DLGAP4: variants seen among roughly 807,000 people sequenced by gnomAD.
DLGAP4 encodes disks large-associated protein 4.
In DLGAP4, 18 loss-of-function variants were observed where a neutral mutation model predicts 86.9. The observed-to-expected ratio is 0.21, with a 90% CI of 0.14 to 0.31. DLGAP4 has a LOEUF of 0.31. DLGAP4 is among the 10% of genes least tolerant of loss of function. The pLI, the probability that DLGAP4 is intolerant of heterozygous loss-of-function variation, is 1.00. For missense variants in DLGAP4, 1,085 were observed against 1,362.6 expected, an observed-to-expected ratio of 0.80 and a Z score of 3.21; for synonymous variants, 548 against 574.3, an observed-to-expected ratio of 0.95 and a Z score of 0.65.
intron 10 of DLGAP4, chr20:36,508,353 C>G (rs1328530797): frequency 6.7e-6 from 1 of 149,932 alleles, no homozygotes; most frequent in Admixed American, 6.6e-5. Flanking sequence ...AGATCTAGTT[C>G]ATTTCTGTTA....
At chr20:36,378,619 CA>C (rs1361219124) in intron 2 of DLGAP4, among the ~76,000 whole-genome samples, 1 of 152,026 alleles carries the variant, frequency 6.6e-6, no homozygotes, top group Non-Finnish European at 1.5e-5. Flanking sequence ...CACACAGACA[CA>C]CGCACATGCA....
intron 7 of DLGAP4, among the ~76,000 whole-genome samples, chr20:36,469,447 C>A (rs1263091152): frequency 6.6e-6 from 1 of 152,144 alleles, no homozygotes; most frequent in East Asian, 1.9e-4. Context: ...TCTCTGCAAA[C>A]CGAACTTCAA....
chr20:36,325,466 G>A (rs1385095021), intron 1 of DLGAP4, among the ~76,000 whole-genome samples: 6 of 152,094 alleles, frequency 3.9e-5, no homozygotes, highest in African/African-American at 4.8e-5. Flanking sequence ...GGTCAAGTTG[G>A]TTGATAATTT....
At chr20:36,467,823 C>T (rs965136169) in intron 7 of DLGAP4, among the ~76,000 whole-genome samples, 3 of 152,314 alleles carry the variant, frequency 2.0e-5, no homozygotes, top group East Asian at 1.9e-4. Context: ...CCTGGCTCTG[C>T]GCCAGGGGCT....
intron 1 of DLGAP4, among the ~76,000 whole-genome samples, chr20:36,357,137 C>G (rs1406508399): frequency 6.6e-6 from 1 of 152,154 alleles, no homozygotes; most frequent in African/African-American, 2.4e-5. Context: ...ACTGCAGGAC[C>G]CTCGTGAGCG....
intron 1 of DLGAP4, among the ~76,000 whole-genome samples, chr20:36,322,797 T>C (rs920137187): frequency 2.5e-4 from 38 of 152,178 alleles, no homozygotes; most frequent in African/African-American, 8.7e-4. Flanking sequence ...GCACGTGTTG[T>C]AGAGTGTACT....
intron 2 of DLGAP4, among the ~76,000 whole-genome samples, chr20:36,386,100 G>T (rs2031585751): frequency 6.9e-6 from 1 of 145,676 alleles, no homozygotes; most frequent in African/African-American, 2.5e-5. Flanking sequence ...CGGAGGCTGG[G>T]ATCACTTAGG....
In DLGAP4 at chr20:36,356,936, T is replaced by A. The variant is rs575925165; in HGVS notation, c.-303-10109T>A. On this transcript the variant is annotated intron_variant, in intron 1 of 12. Coordinates refer to ENST00000339266, the MANE Select transcript of DLGAP4 (RefSeq NM_001365621.2). ...GCCCCAAATTGGATTGATTTTTTAG[T>A]CTACGTGTCTCCTGAATCTGTCTGC... Among the ~76,000 whole-genome samples the A allele has an allele frequency of 5.3e-5, 8 of 152,314 alleles. No homozygotes were observed. In the South Asian group the frequency reaches 1.7e-3, roughly 32 times the overall value.
At position 36,432,276 on chromosome 20, in the gene DLGAP4, C is replaced by A; in HGVS notation, c.559C>A (p.Arg187=). 6.2e-7 allele frequency: 1 copy of A among 1,613,734 alleles called. No individual in the cohort carries two copies. Among genetic ancestry groups the A allele is most frequent in the Non-Finnish European group, 8.5e-7 (1 of 1,179,856 alleles). Residue 187 remains arginine, a synonymous_variant, in exon 3 of 13, where the codon CGG becomes AGG. Coordinates refer to ENST00000339266, the MANE Select transcript of DLGAP4 (RefSeq NM_001365621.2). The surrounding 1 kb of genome is among the most constrained non-coding windows in gnomAD (Gnocchi z 6.5). ...GGGCCGGAGGGCCAAAAGCAAGGAG[C>A]GGGCCAAGGCTGGGGAGCCCAAACG... ...GKGRRAKSKE[R]AKAGEPKRRS... is the part of the protein sequence containing the mutation.
At chr20:36,407,273 A>G (rs1414984579) in intron 2 of DLGAP4, among the ~76,000 whole-genome samples, 1 of 152,104 alleles carries the variant, frequency 6.6e-6, no homozygotes, top group Non-Finnish European at 1.5e-5. Context: ...GCTGGAGTTT[A>G]AGGCTGCAGT....
At chr20:36,447,065 G>T in intron 7 of DLGAP4, 128 bp downstream of exon 7, 1 of 1,446,152 alleles carries the variant, frequency 6.9e-7, no homozygotes, top group Non-Finnish European at 9.1e-7. Flanking sequence ...CAGGGGGATG[G>T]TTGGGAGCAA....
chr20:36,420,961 G>A (rs13045029), intron 2 of DLGAP4, among the ~76,000 whole-genome samples: 25,441 of 151,024 alleles, frequency 0.17, 2,776 homozygotes, highest in Middle Eastern at 0.33. Flanking sequence ...CAACAAGAGC[G>A]AAAACTCTGT....
At chr20:36,333,980 C>G (rs1279161822) in intron 1 of DLGAP4, among the ~76,000 whole-genome samples, 1 of 152,260 alleles carries the variant, frequency 6.6e-6, no homozygotes, top group Non-Finnish European at 1.5e-5. Flanking sequence ...CGACCCACAA[C>G]CCACAGGGGT....
rs778564325 is a variant in DLGAP4 at position 36,439,783 on chromosome 20, T to C, written c.1271T>C (p.Met424Thr). Reference protein sequence around the residue: ...RSLDRLDSVDMLLPSKCPSWE... With the variant: ...RSLDRLDSVDTLLPSKCPSWE... Reference sequence around the variant, plus strand: ...CTGGACCGCCTGGATTCAGTGGACATGCTGCTGCCCTCCAAGTGTCCGAGC... The same window carrying C: ...CTGGACCGCCTGGATTCAGTGGACACGCTGCTGCCCTCCAAGTGTCCGAGC... Residue 424 changes from methionine to threonine, a missense_variant, in exon 5 of 13, where the codon ATG becomes ACG. Transcript: ENST00000339266. 1 of 1,613,570 alleles carries C rather than the reference T, an allele frequency of 6.2e-7. No homozygotes were observed. The highest frequency in any genetic ancestry group is 1.3e-5 in the African/African-American group (1 of 74,924).
At chr20:36,437,630 G>C (rs888646001) in intron 4 of DLGAP4, among the ~76,000 whole-genome samples, 2 of 152,204 alleles carry the variant, frequency 1.3e-5, no homozygotes, top group Admixed American at 6.5e-5. Flanking sequence ...TTGCTGTAAG[G>C]CTTGGAGGAG....
rs915879211 is a variant in DLGAP4 at position 36,350,288 on chromosome 20, G to A, written c.-303-16757G>A. On this transcript the variant is annotated intron_variant, in intron 1 of 12. Transcript: ENST00000339266. The surrounding 1 kb of genome is among the most constrained non-coding windows in gnomAD (Gnocchi z 4.4). ...AGTTTCCTTGTGGATATAGGGTAGC[G>A]GATGAGTAGCCCAGCAGCTGTGGGA... 5.9e-5 allele frequency among the ~76,000 whole-genome samples: 9 copies of A among 152,154 alleles called. No homozygotes were observed. Among genetic ancestry groups the A allele is most frequent in the African/African-American group, 9.7e-5 (4 of 41,414 alleles).
At chr20:36,398,592 T>C (rs2032066499) in intron 2 of DLGAP4, among the ~76,000 whole-genome samples, 1 of 152,206 alleles carries the variant, frequency 6.6e-6, no homozygotes, top group African/African-American at 2.4e-5. Context: ...TCCATTAAGC[T>C]CTTATTGCTT....
At chr20:36,431,000 A>G (rs2033114447) in intron 2 of DLGAP4, among the ~76,000 whole-genome samples, 1 of 150,250 alleles carries the variant, frequency 6.7e-6, no homozygotes, top group Admixed American at 6.6e-5. Context: ...CTAAAAGTCC[A>G]TGTTTTTCCC....
Position 36,526,272 on chromosome 20 carries a change from A to C in DLGAP4, c.2760+266A>C. 8 of 614,336 alleles carry C rather than the reference A, an allele frequency of 1.3e-5. No individual in the cohort carries two copies. The South Asian group carries it at 1.3e-4, about 10-fold the overall frequency. The allele number at this position is 614,336 out of a possible 1,614,324, so 38.1% of individuals were successfully genotyped here. ...CTGGGAGAGGCACGCCCACAGCCTC[A>C]ATCACGTTATAACAGAGGAGGCAGC... On this transcript the variant is annotated intron_variant, in intron 12 of 12. Transcript: ENST00000339266.
Sources: gnomAD v4.1 joint callset for allele counts (sites outside exome capture counted in the v4.1 genomes callset) on GRCh38, gnomAD v4.1.1 for gene constraint, Gnocchi (gnomAD v3.1) non-coding constraint, MANE v1.5 for transcripts, NCBI Gene and HGNC (gene_info 2026-07-23, HGNC 2026-07-21) for gene names.